Variants in PLEKHA4 observed in about 807,000 individuals in gnomAD.
PLEKHA4 encodes the protein pleckstrin homology domain-containing family A member 4.
In PLEKHA4, 73 loss-of-function variants were observed where a neutral mutation model predicts 94.7. That is an observed-to-expected ratio of 0.77 (90% confidence interval 0.64 to 0.94). The LOEUF (loss-of-function observed/expected upper bound fraction) is 0.94, where lower values mean the gene tolerates loss of function less well. PLEKHA4 is among the 40% of genes least tolerant of loss of function. PLEKHA4 has a pLI of 0.00. For missense variants in PLEKHA4, 1,049 were observed against 1,054.1 expected, an observed-to-expected ratio of 1.00 and a Z score of 0.07; for synonymous variants, 449 against 437.1, an observed-to-expected ratio of 1.03 and a Z score of -0.34.
intron 9 of PLEKHA4, 40 bp from the exon 10 acceptor site, chr19:48,854,304 G>A: frequency 6.3e-7 from 1 of 1,583,886 alleles, no homozygotes; most frequent in Non-Finnish European, 8.7e-7. Flanking sequence ...AAGGGGACAG[G>A]CTGGTCATTC....
intron 3 of PLEKHA4, among the ~76,000 whole-genome samples, chr19:48,864,538 C>T (rs764169475): frequency 1.6e-4 from 24 of 152,028 alleles, no homozygotes; most frequent in Non-Finnish European, 2.9e-4. Flanking sequence ...CTCTCAGCCA[C>T]GTTCAAGCAC....
intron 12 of PLEKHA4, among the ~76,000 whole-genome samples, chr19:48,853,164 TAA>T (rs2036264833): frequency 1.3e-5 from 2 of 148,636 alleles, no homozygotes. Flanking sequence ...CCAAGTACCT[TAA>T]GTGTTAAATA....
At chr19:48,839,765 TCCA>T (rs1298827412) in intron 17 of PLEKHA4, among the ~76,000 whole-genome samples, 1 of 151,420 alleles carries the variant, frequency 6.6e-6, no homozygotes, top group Non-Finnish European at 1.5e-5. Context: ...AAATCCCACC[TCCA>T]CCACCACCAC....
In PLEKHA4 at chr19:48,853,692, T is replaced by G; in HGVS notation, c.1316A>C (p.His439Pro). 1 of 1,579,190 alleles carries G rather than the reference T, an allele frequency of 6.3e-7. No homozygotes were observed. The highest frequency in any genetic ancestry group is 1.1e-5 in the South Asian group (1 of 87,680). Residue 439 changes from histidine (H) to proline (P), a missense_variant, in exon 12 of 20, where the codon CAC becomes CCC. His to Pro is a moderately conservative substitution (Grantham distance 77). Coordinates refer to ENST00000263265, the MANE Select transcript of PLEKHA4 (RefSeq NM_020904.3). ...RLVSVRATLC[H>P]LTQERERVWD... ...TTCCCAGGTGCTCACCTGAGTCAAG[T>G]GACAGAGGGTGGCCCTCACACTGAC... is the stretch of plus-strand genomic sequence containing the variant.
At position 48,845,503 on chromosome 19, in the gene PLEKHA4, A is replaced by G. The variant is rs369254741; in HGVS notation, c.1666+14T>C. On this transcript the variant is annotated intron_variant, in intron 15 of 19. Coordinates refer to ENST00000263265, the MANE Select transcript of PLEKHA4 (RefSeq NM_020904.3). The stretch of plus-strand genomic sequence containing the variant: ...GGGAATTTCCGTAAAGTCCCACCCA[A>G]CCAGGATGCTCACCTAAGTGAGGGC... 2 of 1,613,010 alleles carry G rather than the reference A, an allele frequency of 1.2e-6. No individual in the cohort carries two copies. Among genetic ancestry groups the G allele is most frequent in the Admixed American group, 3.3e-5 (2 of 59,912 alleles).
rs143492831 is a variant in PLEKHA4, at chr19:48,861,580, G to A, written c.265+40C>T. ...CTAGAGAGAAGGGCAGACTGGGCGG[G>A]GGGGCCCTCCCACCCCAAGCCAGCC... On this transcript the variant is annotated intron_variant, in intron 4 of 19. Transcript: ENST00000263265. 9,242 of 1,612,690 alleles carry A rather than the reference G, an allele frequency of 5.7e-3. 49 individuals carry two copies. The highest frequency in any genetic ancestry group is 0.011 in the Middle Eastern group (65 of 6,054).
chr19:48,857,580 T>A, intron 8 of PLEKHA4, 84 bp from the exon 9 acceptor site: 2 of 785,248 alleles, frequency 2.5e-6, no homozygotes, highest in Non-Finnish European at 4.3e-6. Flanking sequence ...AGAAAAATTC[T>A]TCTGCCTTGG....
chr19:48,849,911 G>A (rs1241965978), intron 13 of PLEKHA4, among the ~76,000 whole-genome samples: 1 of 152,092 alleles, frequency 6.6e-6, no homozygotes, highest in East Asian at 1.9e-4. Flanking sequence ...TCTGAAGTAG[G>A]TATTAAAACG....
intron 9 of PLEKHA4, among the ~76,000 whole-genome samples, chr19:48,856,978 G>A (rs533409784): frequency 8.6e-5 from 13 of 150,406 alleles, no homozygotes; most frequent in Non-Finnish European, 1.5e-4. Context: ...AGGTTTTTGC[G>A]GATTTAAGTT....
chr19:48,838,149 T>TGG lies in PLEKHA4; in HGVS notation c.1965-22_1965-21dup. 2 of 778,610 alleles carry TGG rather than the reference T, an allele frequency of 2.6e-6. No homozygotes were observed. The highest frequency in any genetic ancestry group is 3.8e-6 in the Non-Finnish European group (2 of 522,766). 48.2% of individuals were successfully genotyped at this position (778,610 alleles called of 1,614,324 possible). On this transcript the variant is annotated intron_variant, in intron 18 of 19. Coordinates refer to ENST00000263265, the MANE Select transcript of PLEKHA4 (RefSeq NM_020904.3). ...CTTGGACTAGAAAAAAAAAGAAGAT[T>TGG]GGGGGTGGGGGTGTGTACATGGGGG...
rs761674046 is a variant in PLEKHA4 at position 48,837,246 on chromosome 19, G to GGT, written c.*42_*43insAC. The GGT allele has an allele frequency of 2.5e-6, 4 of 1,613,836 alleles. No individual in the cohort carries two copies. Among genetic ancestry groups the GGT allele is most frequent in the Non-Finnish European group, 3.4e-6 (4 of 1,179,904 alleles). Reference sequence around the variant, plus strand: ...TCCCAGATCTCCGGCGGTACCTCCAGACCACGTCCTCGCGCTCCGATTGGC... The same window carrying GGT: ...TCCCAGATCTCCGGCGGTACCTCCAGGTACCACGTCCTCGCGCTCCGATTGGC... On this transcript the variant is annotated 3_prime_UTR_variant, in exon 20 of 20. Coordinates refer to ENST00000263265, the MANE Select transcript of PLEKHA4 (RefSeq NM_020904.3). The surrounding 1 kb of genome is among the most constrained non-coding windows in gnomAD (Gnocchi z 4.3).
chr19:48,844,117 A>ATTTTAT (rs1344662766), intron 16 of PLEKHA4, among the ~76,000 whole-genome samples: 7 of 132,884 alleles, frequency 5.3e-5, no homozygotes, highest in Non-Finnish European at 1.1e-4. Context: ...TGCCTTATTT[A>ATTTTAT]TTTTATTATT....
At chr19:48,842,143 C>CTT (rs398059794) in intron 16 of PLEKHA4, among the ~76,000 whole-genome samples, 5,060 of 121,386 alleles carry the variant, frequency 0.042, 547 homozygotes, top group African/African-American at 0.16. Flanking sequence ...AATTTATTTT[C>CTT]TTTTTTTTTT....
At chr19:48,849,371 C>T (rs889103935) in intron 13 of PLEKHA4, among the ~76,000 whole-genome samples, 2 of 151,838 alleles carry the variant, frequency 1.3e-5, no homozygotes, top group African/African-American at 2.4e-5. Flanking sequence ...TGCAGTGTCA[C>T]GATCTCGGCT....
At chr19:48,858,730 G>A in intron 8 of PLEKHA4, 130 bp downstream of exon 8, 2 of 1,051,018 alleles carry the variant, frequency 1.9e-6, no homozygotes, top group Non-Finnish European at 2.8e-6. Flanking sequence ...TCTCTCACCT[G>A]AGCCCAGCTG....
At chr19:48,860,602 A>C in intron 5 of PLEKHA4, 143 bp from the exon 6 acceptor site, 6 of 630,832 alleles carry the variant, frequency 9.5e-6, no homozygotes, top group East Asian at 2.8e-5. Flanking sequence ...AGGCAACATA[A>C]TGAGACACCC....
chr19:48,864,230 G>A (rs1393782666), intron 3 of PLEKHA4, among the ~76,000 whole-genome samples: 2 of 150,194 alleles, frequency 1.3e-5, no homozygotes, highest in East Asian at 3.9e-4. Flanking sequence ...GTGCAATGGC[G>A]CAACCTCGGC....
At position 48,865,374 on chromosome 19, in the gene PLEKHA4, A is replaced by G. The variant is rs183239979; in HGVS notation, c.192+129T>C. 3.9e-5 allele frequency: 25 copies of G among 634,782 alleles called. No individual in the cohort carries two copies. The Middle Eastern group carries it at 1.8e-3, about 46-fold the overall frequency. The allele number at this position is 634,782 out of a possible 1,614,324, so 39.3% of individuals were successfully genotyped here. A position where few individuals can be genotyped will look rare whatever the true frequency, so the allele number is the denominator to read the frequency against. On this transcript the variant is annotated intron_variant, in intron 3 of 19. Coordinates refer to ENST00000263265, the MANE Select transcript of PLEKHA4 (RefSeq NM_020904.3). ...AAATAAATAAACAAACAAACAAACA[A>G]TGACGGACTAAGGGGAGGGGCAGTG... is the stretch of plus-strand genomic sequence containing the variant.
chr19:48,859,153 A>G lies in PLEKHA4; in HGVS notation c.693-14T>C. ...GGGGTGAACAGGCTGTGGGAAGGAGAGAATCGGGGAACTGAGTCAACTAGA... is the reference window on the plus strand; with the variant it reads ...GGGGTGAACAGGCTGTGGGAAGGAGGGAATCGGGGAACTGAGTCAACTAGA... On this transcript the variant is annotated splice_polypyrimidine_tract_variant and intron_variant, in intron 7 of 19. Transcript: ENST00000263265. The G allele has an allele frequency of 6.6e-7, 1 of 1,517,590 alleles. No individual in the cohort carries two copies. The highest frequency in any genetic ancestry group is 2.5e-5 in the East Asian group (1 of 40,750). The allele number at this position is 1,517,590 out of a possible 1,614,324, so 94.0% of individuals were successfully genotyped here.
Sources: allele counts gnomAD v4.1 joint callset (sites outside exome capture counted in the v4.1 genomes callset), GRCh38; gene constraint gnomAD v4.1.1; non-coding constraint Gnocchi (gnomAD v3.1); transcripts MANE v1.5; gene names NCBI Gene and HGNC (gene_info 2026-07-23, HGNC 2026-07-21).